SHOX2: variants seen among roughly 807,000 people sequenced by gnomAD.
SHOX2 encodes the protein short stature homeobox protein 2.
Under a neutral mutation model 31.3 loss-of-function variants are expected in SHOX2, and 13 were observed. The ratio of observed to expected loss-of-function variants is 0.42; its 90% CI spans 0.27 to 0.66. The LOEUF (loss-of-function observed/expected upper bound fraction) is 0.66. Ranked by LOEUF, SHOX2 falls within the 30% of genes least tolerant of loss-of-function variation. The pLI, the probability that SHOX2 is intolerant of heterozygous loss-of-function variation, is 0.27. For missense variants in SHOX2, 473 were observed against 443.0 expected, an observed-to-expected ratio of 1.07 and a Z score of -0.61; for synonymous variants, 244 against 196.2, an observed-to-expected ratio of 1.24 and a Z score of -2.04.
rs1713896416 is a variant in SHOX2 at position 158,105,922 on chromosome 3, G to C, written c.103C>G (p.Arg35Gly). The change falls in exon 1 of 5, where the codon CGC (arginine) becomes GGC (glycine). Residue 35 changes from arginine (R) to glycine (G), a missense_variant. This residue lies in a region of SHOX2 where 276 missense variants were observed against 230.0 expected (regional missense o/e 1.20). Coordinates refer to ENST00000483851, the MANE Select transcript of SHOX2 (RefSeq NM_001163678.2). ...YREVLESGPL[R>G]GAKEPTGCTE... is the part of the protein sequence containing the mutation. Reference sequence around the variant, plus strand: ...CAGCCGGTCGGCTCCTTGGCCCCGCGCAGCGGCCCGCTCTCCAGCACCTCC... The same window carrying C: ...CAGCCGGTCGGCTCCTTGGCCCCGCCCAGCGGCCCGCTCTCCAGCACCTCC... 6.2e-7 allele frequency: 1 copy of C among 1,605,110 alleles called. No homozygotes were observed. Among genetic ancestry groups the C allele is most frequent in the Admixed American group, 1.7e-5 (1 of 59,638 alleles).
At chr3:158,102,598 C>G (rs1713559995) in intron 2 of SHOX2, 80 bp downstream of exon 2, 1 of 1,139,586 alleles carries the variant, frequency 8.8e-7, no homozygotes, top group East Asian at 2.3e-5. Context: ...GCACCACCTC[C>G]CGAGTGTGTC....
chr3:158,102,633 G>A (rs764724334), intron 2 of SHOX2, 45 bp downstream of exon 2: 2 of 1,547,784 alleles, frequency 1.3e-6, no homozygotes, highest in Non-Finnish European at 1.8e-6. Context: ...CCAACCCCAG[G>A]CTCTCTCTGC....
rs898599305 is a variant in SHOX2 at position 158,098,391 on chromosome 3, G to A, written c.703-107C>T. 2.8e-6 allele frequency: 4 copies of A among 1,405,336 alleles called. No individual in the cohort carries two copies. In the African/African-American group the frequency reaches 4.3e-5, roughly 15 times the overall value. The allele number at this position is 1,405,336 out of a possible 1,614,324, so 87.1% of individuals were successfully genotyped here. A position where few individuals can be genotyped will look rare whatever the true frequency, so the allele number is the denominator to read the frequency against. ...TTGGCCAGAGAGAGAGTTGGGTTGT[G>A]TTTGGGCACGGGGAGAGGGCATTTG... On this transcript the variant is annotated intron_variant, in intron 4 of 4. Transcript: ENST00000483851.
In SHOX2 at chr3:158,105,731, G is replaced by C. The variant is rs900487571; in HGVS notation, c.294C>G (p.Asp98Glu). ...GGGRSPVREL[D>E]MGAAERSREP... ...CCCTGCTTCTCTCGGCGGCGCCCAT[G>C]TCCAGCTCCCGGACGGGAGAGCGCC... is the stretch of plus-strand genomic sequence containing the variant. Residue 98 changes from aspartate to glutamate, a missense_variant, in exon 1 of 5, where the codon GAC (aspartate) becomes GAG (glutamate). Physicochemically the swap from Asp to Glu is conservative, Grantham distance 45. This residue lies in a region of SHOX2 where 276 missense variants were observed against 230.0 expected (regional missense o/e 1.20). Transcript: ENST00000483851. The C allele has an allele frequency of 6.6e-7, 1 of 1,525,492 alleles. No individual in the cohort carries two copies. Among genetic ancestry groups the C allele is most frequent in the East Asian group, 2.7e-5 (1 of 36,708 alleles). The allele number at this position is 1,525,492 out of a possible 1,614,324, so 94.5% of individuals were successfully genotyped here.
At chr3:158,100,095 A>C (rs1713398680) in intron 3 of SHOX2, 147 bp from the exon 4 acceptor site, 1 of 903,472 alleles carries the variant, frequency 1.1e-6, no homozygotes, top group Non-Finnish European at 1.7e-6. Context: ...AATGTAACTT[A>C]CTCCCAAACT....
At chr3:158,103,293 CAA>C (rs1218168016) in intron 1 of SHOX2, 1 of 295,058 alleles carries the variant, frequency 3.4e-6, no homozygotes, top group African/African-American at 2.2e-5. Context: ...TCTCACAGAG[CAA>C]AGTCTGGACA....
chr3:158,099,721 C>A, intron 4 of SHOX2, 139 bp downstream of exon 4: 1 of 683,226 alleles, frequency 1.5e-6, no homozygotes, highest in Non-Finnish European at 2.6e-6. Context: ...GGTAGTGGGT[C>A]CACTATATCA....
rs530957749 is a variant in SHOX2 at position 158,098,128 on chromosome 3, C to A, written c.859G>T (p.Val287Leu). 2 of 1,613,204 alleles carry A rather than the reference C, an allele frequency of 1.2e-6. No homozygotes were observed. Among genetic ancestry groups the A allele is most frequent in the African/African-American group, 1.3e-5 (1 of 74,918 alleles). Residue 287 changes from valine to leucine, a missense_variant, in exon 5 of 5, where the codon GTA becomes TTA. This residue lies in a region of SHOX2 where 182 missense variants were observed against 167.2 expected (regional missense o/e 1.09). Coordinates refer to ENST00000483851, the MANE Select transcript of SHOX2 (RefSeq NM_001163678.2). ...TTGGCGGCTGCTGCGGCCGCCACTA[C>A]CGAGGCGGCGGAAGCCGAATCCGCG... is the stretch of plus-strand genomic sequence containing the variant. ...LAADSASAASVVAAAAAAKTT... is the reference protein window; with the variant it reads ...LAADSASAASLVAAAAAAKTT...
At chr3:158,101,439 TATC>T (rs568953873) in intron 2 of SHOX2, among the ~76,000 whole-genome samples, 255 of 152,290 alleles carry the variant, frequency 1.7e-3, no homozygotes, top group African/African-American at 5.1e-3. Flanking sequence ...CTGTAATAAT[TATC>T]ATCATGTTTT....
intron 1 of SHOX2, 67 bp from the exon 2 acceptor site, chr3:158,102,953 C>T: frequency 7.3e-7 from 1 of 1,376,144 alleles, no homozygotes. Flanking sequence ...CGCACACACA[C>T]ACGGACGAAA....
chr3:158,101,560 T>A (rs577977630), intron 2 of SHOX2, among the ~76,000 whole-genome samples: 3 of 150,412 alleles, frequency 2.0e-5, no homozygotes, highest in African/African-American at 7.4e-5. Flanking sequence ...CAGCCTATTA[T>A]TACTTTTCCT....
At chr3:158,105,041 C>CA (rs1713786356) in intron 1 of SHOX2, 2 of 468,330 alleles carry the variant, frequency 4.3e-6, no homozygotes, top group Admixed American at 2.5e-5. Flanking sequence ...CGCCCCCCCC[C>CA]CCCGCCCCCA....
intron 1 of SHOX2, chr3:158,105,440 G>A: frequency 6.7e-6 from 4 of 593,122 alleles, no homozygotes; most frequent in Non-Finnish European, 1.2e-5. Context: ...GGAAGGGCGC[G>A]CACAAACCCC....
chr3:158,097,947 T>C lies in SHOX2; in HGVS notation c.*80A>G. The C allele has an allele frequency of 6.6e-7, 1 of 1,513,230 alleles. No individual in the cohort carries two copies. Among genetic ancestry groups the C allele is most frequent in the Non-Finnish European group, 8.9e-7 (1 of 1,127,864 alleles). 93.7% of individuals were successfully genotyped at this position (1,513,230 alleles called of 1,614,324 possible). ...GCCGGCTCCCGAGGTCTCAAAGGGG[T>C]AACGGAGAAGCAGCGGGGCGCGGAG... On this transcript the variant is annotated 3_prime_UTR_variant, in exon 5 of 5. Transcript: ENST00000483851.
chr3:158,105,818 G>T lies in SHOX2; in HGVS notation c.207C>A (p.Gly69=), dbSNP rs146151769. 12 of 1,423,416 alleles carry T rather than the reference G, an allele frequency of 8.4e-6. No homozygotes were observed. Among genetic ancestry groups the T allele is most frequent in the South Asian group, 5.6e-5 (4 of 71,460 alleles). The allele number at this position is 1,423,416 out of a possible 1,614,324, so 88.2% of individuals were successfully genotyped here. The part of the protein sequence containing the change: ...AGGGGGGGGG[G]GGGGGGGGVG... ...CACCTCCTCCGCCTCCTCCGCCGCC[G>T]CCTCCGCCTCCTCCGCCGCCGCCTC... The change falls in exon 1 of 5, where the codon GGC becomes GGA. Residue 69 remains glycine (G), a synonymous_variant. Coordinates refer to ENST00000483851, the MANE Select transcript of SHOX2 (RefSeq NM_001163678.2).
At position 158,105,718 on chromosome 3, in the gene SHOX2, C is replaced by CGGCGGCGCCCATGTCCAGCTCCCG; in HGVS notation, c.283_306dup (p.Arg95_Ala102dup). The CGGCGGCGCCCATGTCCAGCTCCCG allele has an allele frequency of 2.0e-6, 3 of 1,522,896 alleles. No individual in the cohort carries two copies. Among genetic ancestry groups the CGGCGGCGCCCATGTCCAGCTCCCG allele is most frequent in the Middle Eastern group, 1.7e-4 (1 of 5,824 alleles). 94.3% of individuals were successfully genotyped at this position (1,522,896 alleles called of 1,614,324 possible). A position where few individuals can be genotyped will look rare whatever the true frequency, so the allele number is the denominator to read the frequency against. On this transcript the variant is annotated inframe_insertion, in exon 1 of 5. Transcript: ENST00000483851. ...GGGCTGCCCGGCTCCCTGCTTCTCT[C>CGGCGGCGCCCATGTCCAGCTCCCG]GGCGGCGCCCATGTCCAGCTCCCGG...
At position 158,106,004 on chromosome 3, in the gene SHOX2, G is replaced by T. The variant is rs757096073; in HGVS notation, c.21C>A (p.Phe7Leu). 5 of 1,612,898 alleles carry T rather than the reference G, an allele frequency of 3.1e-6. No individual in the cohort carries two copies. Among genetic ancestry groups the T allele is most frequent in the South Asian group, 1.1e-5 (1 of 91,066 alleles). Residue 7 changes from phenylalanine (F) to leucine (L), a missense_variant, in exon 1 of 5, where the codon TTC (phenylalanine) becomes TTA (leucine). By Grantham distance (22) the Phe-to-Leu change is conservative (BLOSUM62 0). Coordinates refer to ENST00000483851, the MANE Select transcript of SHOX2 (RefSeq NM_001163678.2). ...CTTTCTGGTCAAAAGACTTGGAGACGAACGCCGTAAGTTCTTCCATCGCCG... is the reference window on the plus strand; with the variant it reads ...CTTTCTGGTCAAAAGACTTGGAGACTAACGCCGTAAGTTCTTCCATCGCCG... MEELTA[F>L]VSKSFDQKVK...
rs1279042242 is a variant in SHOX2 at position 158,106,308 on chromosome 3, A to G, written c.-284T>C. On this transcript the variant is annotated 5_prime_UTR_variant, in exon 1 of 5. Coordinates refer to ENST00000483851, the MANE Select transcript of SHOX2 (RefSeq NM_001163678.2). Reference sequence around the variant, plus strand: ...GAGGGAGGAGGAGGAGGAGAAGAGAAGGGGCGGGGGCTGCCGGAGGGAAAT... The same window carrying G: ...GAGGGAGGAGGAGGAGGAGAAGAGAGGGGGCGGGGGCTGCCGGAGGGAAAT... 3.7e-5 allele frequency: 14 copies of G among 374,794 alleles called. No homozygotes were observed. The highest frequency in any genetic ancestry group is 5.2e-5 in the South Asian group (2 of 38,798). 23.2% of individuals were successfully genotyped at this position (374,794 alleles called of 1,614,324 possible).
At position 158,096,770 on chromosome 3, in the gene SHOX2, CT is replaced by C. The variant is rs1320707295; in HGVS notation, c.*1256del. Reference sequence around the variant, plus strand: ...TACCTTCATTATTTCATTTGGTGGTCTTGTTTTCTTTTTCCTTTCCCCACAT... The same window carrying C: ...TACCTTCATTATTTCATTTGGTGGTCTGTTTTCTTTTTCCTTTCCCCACAT... On this transcript the variant is annotated 3_prime_UTR_variant, in exon 5 of 5. Coordinates refer to ENST00000483851, the MANE Select transcript of SHOX2 (RefSeq NM_001163678.2). 1.3e-5 allele frequency: 2 copies of C among 151,500 alleles called. No homozygotes were observed. The highest frequency in any genetic ancestry group is 4.9e-5 in the African/African-American group (2 of 41,182). The allele number at this position is 151,500 out of a possible 1,614,324, so 9.4% of individuals were successfully genotyped here.
Sources: allele counts gnomAD v4.1 joint callset (sites outside exome capture counted in the v4.1 genomes callset), GRCh38; gene constraint gnomAD v4.1.1; regional missense constraint gnomAD v4.1.1; transcripts MANE v1.5; gene names NCBI Gene and HGNC (gene_info 2026-07-23, HGNC 2026-07-21).